The following GFOD2 variants were observed in gnomAD, a reference collection of about 807,000 sequenced individuals.
GFOD2 encodes the protein Gfo/Idh/MocA-like oxidoreductase domain containing 2, also known as glucose-fructose oxidoreductase domain-containing protein 2.
In GFOD2, 9 loss-of-function variants were observed where a neutral mutation model predicts 24.6. The observed-to-expected ratio is 0.37, with a 90% CI of 0.22 to 0.64. The LOEUF is 0.64. Among genes scored for constraint, GFOD2 ranks in the 30% least tolerant of loss-of-function variants. The probability of loss-of-function intolerance (pLI) is 0.65; values close to 1 mark genes in which losing one functional copy is unlikely to be tolerated. For missense variants in GFOD2, 476 were observed against 532.5 expected (o/e 0.89, Z 1.04); for synonymous variants, 211 against 224.8 (o/e 0.94, Z 0.55).
intron 1 of GFOD2, among the ~76,000 whole-genome samples, chr16:67,694,605 G>C (rs1399452219): frequency 6.6e-6 from 1 of 152,082 alleles, no homozygotes; most frequent in East Asian, 1.9e-4. Flanking sequence ...TGGAGAAATT[G>C]TTTTCTCAAC....
At chr16:67,708,310 G>A (rs2053451799) in intron 1 of GFOD2, among the ~76,000 whole-genome samples, 1 of 152,204 alleles carries the variant, frequency 6.6e-6, no homozygotes, top group East Asian at 1.9e-4. Flanking sequence ...AAACCTGTAA[G>A]CTTACTTTTG....
intron 1 of GFOD2, among the ~76,000 whole-genome samples, chr16:67,687,203 G>C (rs1220719199): frequency 1.3e-5 from 2 of 149,962 alleles, no homozygotes; most frequent in Non-Finnish European, 3.0e-5. Context: ...ACCAGTTCAA[G>C]AGGAAAGTGA....
intron 1 of GFOD2, among the ~76,000 whole-genome samples, chr16:67,707,336 CCA>C (rs1385912048): frequency 1.3e-5 from 2 of 150,482 alleles, no homozygotes; most frequent in Non-Finnish European, 3.0e-5. Context: ...CCAGCCTGGG[CCA>C]CAGAGTGAAA....
intron 1 of GFOD2, among the ~76,000 whole-genome samples, chr16:67,709,709 G>A (rs895081772): frequency 6.6e-6 from 1 of 151,988 alleles, no homozygotes; most frequent in Non-Finnish European, 1.5e-5. Flanking sequence ...CTGCCTCCTG[G>A]GTTCAAGCAT....
At chr16:67,690,122 A>G (rs918726150) in intron 1 of GFOD2, among the ~76,000 whole-genome samples, 1 of 152,200 alleles carries the variant, frequency 6.6e-6, no homozygotes, top group South Asian at 2.1e-4. Flanking sequence ...TGTGAATAAT[A>G]CTGATATGAA....
At chr16:67,707,696 A>T (rs1567661705) in intron 1 of GFOD2, among the ~76,000 whole-genome samples, 1 of 152,050 alleles carries the variant, frequency 6.6e-6, no homozygotes, top group Non-Finnish European at 1.5e-5. Context: ...CTATTAATGA[A>T]TTTTTTTCTT....
intron 1 of GFOD2, among the ~76,000 whole-genome samples, chr16:67,692,361 C>T (rs1406112981): frequency 6.6e-6 from 1 of 151,940 alleles, no homozygotes; most frequent in Non-Finnish European, 1.5e-5. Context: ...GTGGGCGGAT[C>T]ACCTGAGATC....
At chr16:67,690,995 T>C (rs1260603183) in intron 1 of GFOD2, among the ~76,000 whole-genome samples, 3 of 152,130 alleles carry the variant, frequency 2.0e-5, no homozygotes, top group African/African-American at 7.2e-5. Context: ...CCCGAGTAAC[T>C]GGGACTACAG....
rs779334292 is a variant in GFOD2 at position 67,685,698 on chromosome 16, T to C, written c.18A>G (p.Gly6=). The change falls in exon 2 of 3, where the codon GGA becomes GGG. Residue 6 remains glycine (G), a synonymous_variant. Coordinates refer to ENST00000268797, the MANE Select transcript of GFOD2 (RefSeq NM_030819.4). MKMLP[G]VGVFGTGSSA... ...AGCTGCCAGTCCCAAACACGCCCAC[T>C]CCTGGCAGCATCTTCATCCCAGCCT... 1 of 1,611,752 alleles carries C rather than the reference T, an allele frequency of 6.2e-7. No homozygotes were observed. The highest frequency in any genetic ancestry group is 8.5e-7 in the Non-Finnish European group (1 of 1,179,144).
At chr16:67,677,565 C>G (rs1947415848) in intron 2 of GFOD2, 1 of 152,266 alleles carries the variant, frequency 6.6e-6, no homozygotes, top group East Asian at 1.9e-4. Flanking sequence ...GTTGCTCATC[C>G]TGCTCTAGCC....
intron 2 of GFOD2, chr16:67,681,722 C>T (rs2053226465): frequency 1.0e-6 from 1 of 985,230 alleles, no homozygotes; most frequent in Non-Finnish European, 1.2e-6. Context: ...AATAACAGCA[C>T]TCTTAAACTT....
chr16:67,717,756 A>G (rs2053517119), intron 1 of GFOD2, among the ~76,000 whole-genome samples: 1 of 149,860 alleles, frequency 6.7e-6, no homozygotes, highest in Non-Finnish European at 1.5e-5. Context: ...GCACCACTGC[A>G]CTCCAGTCTG....
intron 1 of GFOD2, among the ~76,000 whole-genome samples, chr16:67,695,826 G>C (rs1189151372): frequency 6.6e-6 from 1 of 152,054 alleles, no homozygotes; most frequent in Non-Finnish European, 1.5e-5. Flanking sequence ...ATAAGCCACT[G>C]TGCCCAGCCA....
intron 1 of GFOD2, among the ~76,000 whole-genome samples, chr16:67,715,871 G>T (rs1241380197): frequency 6.6e-6 from 1 of 151,906 alleles, no homozygotes; most frequent in Admixed American, 6.6e-5. Context: ...AGCTGTCTAT[G>T]GTGGCATGCA....
At chr16:67,714,268 C>T (rs2142997943) in intron 1 of GFOD2, among the ~76,000 whole-genome samples, 2 of 151,954 alleles carry the variant, frequency 1.3e-5, no homozygotes, top group South Asian at 2.1e-4. Flanking sequence ...TCACTGAGGC[C>T]AGGAGTTCAA....
intron 2 of GFOD2, chr16:67,684,963 T>G (rs1555545288): frequency 9.9e-7 from 1 of 1,006,222 alleles, no homozygotes; most frequent in Non-Finnish European, 1.2e-6. Context: ...TGGCAGAGCC[T>G]TCCTGTCCTC....
intron 2 of GFOD2, chr16:67,682,673 T>C: frequency 1.0e-6 from 1 of 985,338 alleles, no homozygotes; most frequent in Non-Finnish European, 1.2e-6. Context: ...AGTCCAATCA[T>C]TAATTTTAGG....
At chr16:67,686,230 G>A (rs1176126452) in intron 1 of GFOD2, among the ~76,000 whole-genome samples, 1 of 152,158 alleles carries the variant, frequency 6.6e-6, no homozygotes, top group Non-Finnish European at 1.5e-5. Context: ...ACTATAGTAA[G>A]CTATGATTGT....
chr16:67,682,995 C>T, intron 2 of GFOD2: 1 of 316,434 alleles, frequency 3.2e-6, no homozygotes, highest in Non-Finnish European at 4.6e-6. Context: ...TTGAGACAGT[C>T]TTACTCTGTC....
Sources: allele counts gnomAD v4.1 joint callset (sites outside exome capture counted in the v4.1 genomes callset), GRCh38; gene constraint gnomAD v4.1.1; transcripts MANE v1.5; gene names NCBI Gene and HGNC (gene_info 2026-07-23, HGNC 2026-07-21).